Variants in DHRSX observed in about 807,000 individuals in gnomAD.
DHRSX encodes polyprenol dehydrogenase.
Under a neutral mutation model 34.0 loss-of-function variants are expected in DHRSX, and 31 were observed. The observed-to-expected ratio is 0.91, with a 90% confidence interval of 0.69 to 1.23. The LOEUF (loss-of-function observed/expected upper bound fraction) is 1.23. Ranked by LOEUF, DHRSX falls within the 50% of genes most tolerant of loss-of-function variation. The probability of loss-of-function intolerance (pLI) is 0.00; values close to 1 mark genes in which losing one functional copy is unlikely to be tolerated. For missense variants in DHRSX, 414 were observed against 428.1 expected (o/e 0.97, Z 0.29); for synonymous variants, 201 against 183.8 (o/e 1.09, Z -0.76).
At chrX:2,425,103 G>T in intron 2 of DHRSX, 94 bp downstream of exon 2, 2 of 930,442 alleles carry the variant, frequency 2.1e-6, no homozygotes, top group African/African-American at 1.7e-5. Context: ...TTGCACCACT[G>T]CAGTCCAGCA....
At chrX:2,298,770 G>A (rs980076855) in intron 3 of DHRSX, among the ~76,000 whole-genome samples, 6 of 151,894 alleles carry the variant, frequency 4.0e-5, no homozygotes, top group African/African-American at 9.7e-5. Context: ...CGGATCACCT[G>A]AGGTCGGGAG....
chrX:2,289,474 G>C (rs999374514), intron 4 of DHRSX, among the ~76,000 whole-genome samples: 13 of 152,158 alleles, frequency 8.5e-5, no homozygotes, highest in Non-Finnish European at 1.9e-4. Flanking sequence ...CAAATGGATG[G>C]AAGTAGTCGC....
intron 4 of DHRSX, among the ~76,000 whole-genome samples, chrX:2,270,661 C>A (rs1425481304): frequency 7.9e-5 from 12 of 152,078 alleles, no homozygotes; most frequent in Non-Finnish European, 1.8e-4. Flanking sequence ...CTCCACAGTG[C>A]GGTTGTAGTG....
chrX:2,479,800 C>A (rs1282447313), intron 1 of DHRSX, among the ~76,000 whole-genome samples: 1 of 150,652 alleles, frequency 6.6e-6, no homozygotes, highest in African/African-American at 2.4e-5. Context: ...CCTAAGCATG[C>A]AGCAAAGGGA....
At chrX:2,326,775 A>C (rs62583696) in intron 3 of DHRSX, among the ~76,000 whole-genome samples, 96,138 of 151,342 alleles carry the variant, frequency 0.64, 32,412 homozygotes, top group Non-Finnish European at 0.77. Context: ...GTCAAAGTGA[A>C]CTGGGGGAAG....
At chrX:2,430,873 A>C (rs1569500464) in intron 1 of DHRSX, among the ~76,000 whole-genome samples, 2 of 151,968 alleles carry the variant, frequency 1.3e-5, no homozygotes, top group Non-Finnish European at 2.9e-5. Context: ...AGGTACAAAA[A>C]AATTAGCCAG....
At chrX:2,287,262 C>A (rs1036241743) in intron 4 of DHRSX, among the ~76,000 whole-genome samples, 6 of 152,158 alleles carry the variant, frequency 3.9e-5, no homozygotes, top group Non-Finnish European at 7.3e-5. Flanking sequence ...AATGCCCACA[C>A]TGTAATCCCC....
intron 3 of DHRSX, among the ~76,000 whole-genome samples, chrX:2,397,728 T>C (rs1475593794): frequency 1.3e-5 from 2 of 152,150 alleles, no homozygotes; most frequent in African/African-American, 4.8e-5. Flanking sequence ...GATAATCTTT[T>C]GGGTAATTAA....
chrX:2,320,915 G>A (rs1289578078), intron 3 of DHRSX, among the ~76,000 whole-genome samples: 1 of 152,072 alleles, frequency 6.6e-6, no homozygotes, highest in African/African-American at 2.4e-5. Context: ...GTCTGCCTGA[G>A]GGCTCAGTGA....
intron 1 of DHRSX, among the ~76,000 whole-genome samples, chrX:2,470,640 G>C (rs1271174809): frequency 6.6e-6 from 1 of 152,076 alleles, no homozygotes; most frequent in African/African-American, 2.4e-5. Flanking sequence ...CCATGAGTTG[G>C]AGGCTGCTGA....
chrX:2,372,840 A>G (rs28369027), intron 3 of DHRSX, among the ~76,000 whole-genome samples: 101,080 of 151,584 alleles, frequency 0.67, 34,132 homozygotes, highest in Non-Finnish European at 0.73. Flanking sequence ...TCGAACCCCT[A>G]ACCTCAGGTG....
intron 4 of DHRSX, among the ~76,000 whole-genome samples, chrX:2,283,872 A>G (rs935460864): frequency 1.1e-4 from 17 of 152,104 alleles, no homozygotes; most frequent in African/African-American, 3.9e-4. Context: ...ATTTGAATTC[A>G]TTCATTCATT....
At chrX:2,394,291 C>A (rs1466776707) in intron 3 of DHRSX, among the ~76,000 whole-genome samples, 3 of 152,184 alleles carry the variant, frequency 2.0e-5, no homozygotes, top group Non-Finnish European at 4.4e-5. Context: ...ACCTGCCCCA[C>A]AGGAGAGACC....
intron 6 of DHRSX, among the ~76,000 whole-genome samples, chrX:2,242,184 G>C (rs1011148863): frequency 6.6e-6 from 1 of 152,040 alleles, no homozygotes; most frequent in Non-Finnish European, 1.5e-5. Flanking sequence ...AAGGGCAATT[G>C]TATTTTGTGC....
intron 3 of DHRSX, among the ~76,000 whole-genome samples, chrX:2,407,368 G>A (rs1461732785): frequency 6.6e-6 from 1 of 152,096 alleles, no homozygotes. Flanking sequence ...TGCTGCTGTG[G>A]GCCTTTATTT....
chrX:2,500,579 T>TCGGGCCGGGC (rs748431177), intron 1 of DHRSX: 1 of 177,688 alleles, frequency 5.6e-6, no homozygotes, highest in African/African-American at 2.4e-5. Flanking sequence ...TCGGGCCGGG[T>TCGGGCCGGGC]CGGGCCGGGC....
intron 1 of DHRSX, among the ~76,000 whole-genome samples, chrX:2,493,959 CAA>C (rs1196812859): frequency 6.7e-6 from 1 of 150,334 alleles, no homozygotes; most frequent in Non-Finnish European, 1.5e-5. Flanking sequence ...GCAACAAGCG[CAA>C]AACTCCGTCT....
chrX:2,364,811 C>T, intron 3 of DHRSX, among the ~76,000 whole-genome samples: 1 of 152,182 alleles, frequency 6.6e-6, no homozygotes, highest in East Asian at 1.9e-4. Flanking sequence ...TACCTATCAT[C>T]TATTGACCAT....
At chrX:2,264,594 G>A (rs1364526216) in intron 5 of DHRSX, among the ~76,000 whole-genome samples, 1 of 149,002 alleles carries the variant, frequency 6.7e-6, no homozygotes, top group East Asian at 2.0e-4. Context: ...GATGCAGGGA[G>A]CACTGTTCCC....
Sources: allele counts gnomAD v4.1 joint callset (sites outside exome capture counted in the v4.1 genomes callset), GRCh38; gene constraint gnomAD v4.1.1; transcripts MANE v1.5; gene names NCBI Gene and HGNC (gene_info 2026-07-23, HGNC 2026-07-21).